ADAMTS17: variants seen among roughly 807,000 people sequenced by gnomAD.
ADAMTS17 encodes the protein ADAM metallopeptidase with thrombospondin type 1 motif 17, also known as A disintegrin and metalloproteinase with thrombospondin motifs 17.
In ADAMTS17, 113 loss-of-function variants were observed where a neutral mutation model predicts 141.5. The ratio of observed to expected loss-of-function variants is 0.80; its 90% CI spans 0.69 to 0.93. ADAMTS17 has a LOEUF of 0.93. Ranked by LOEUF, ADAMTS17 falls within the 40% of genes least tolerant of loss-of-function variation. The probability of loss-of-function intolerance (pLI) is 0.00; values close to 1 mark genes in which losing one functional copy is unlikely to be tolerated. For synonymous variants in ADAMTS17, 768 were observed against 630.6 expected (o/e 1.22, Z -3.27); for missense variants, 1,659 against 1,517.9 (o/e 1.09, Z -1.54).
At chr15:100,272,466 GT>G (rs1291666544) in intron 4 of ADAMTS17, among the ~76,000 whole-genome samples, 1 of 151,230 alleles carries the variant, frequency 6.6e-6, no homozygotes, top group East Asian at 1.9e-4. Context: ...AGACAGAACT[GT>G]TTTCTTAATT....
rs142737485 is a variant in ADAMTS17, at chr15:100,214,804, C to T, written c.1076-15381G>A. On this transcript the variant is annotated intron_variant, in intron 7 of 21. Coordinates refer to ENST00000268070, the MANE Select transcript of ADAMTS17 (RefSeq NM_139057.4). ...TAGCTAGTCATCCCAATTCCAAATA[C>T]GCACAAGCGACACGGCACACTTCCT... 4.8e-3 allele frequency among the ~76,000 whole-genome samples: 725 copies of T among 152,350 alleles called. 3 individuals are homozygous for T. Among genetic ancestry groups the T allele is most frequent in the African/African-American group, 0.016 (654 of 41,574 alleles).
At chr15:100,067,537 G>A (rs1029143069) in intron 15 of ADAMTS17, among the ~76,000 whole-genome samples, 1 of 152,038 alleles carries the variant, frequency 6.6e-6, no homozygotes, top group African/African-American at 2.4e-5. Flanking sequence ...CCTTTCTTGG[G>A]ACACAAAGCT....
chr15:100,247,625 T>G (rs1042854051), intron 7 of ADAMTS17, among the ~76,000 whole-genome samples: 2 of 152,174 alleles, frequency 1.3e-5, no homozygotes, highest in Non-Finnish European at 2.9e-5. Context: ...TGTTTATGCA[T>G]AAAAAGTGGC....
intron 9 of ADAMTS17, among the ~76,000 whole-genome samples, chr15:100,154,144 G>A (rs150384113): frequency 1.6e-4 from 25 of 152,232 alleles, no homozygotes; most frequent in African/African-American, 5.8e-4. Flanking sequence ...TCGCACCACT[G>A]CACTCCAGCC....
chr15:100,081,169 G>C (rs1294568621), intron 15 of ADAMTS17, among the ~76,000 whole-genome samples: 1 of 152,168 alleles, frequency 6.6e-6, no homozygotes, highest in Non-Finnish European at 1.5e-5. Context: ...ACATGAAAAG[G>C]AGAGGTGGGC....
chr15:100,337,377 C>G (rs1437858806), intron 2 of ADAMTS17, among the ~76,000 whole-genome samples: 1 of 152,176 alleles, frequency 6.6e-6, no homozygotes, highest in Non-Finnish European at 1.5e-5. Flanking sequence ...CCAGACTGAC[C>G]CCAGTGATTC....
At chr15:100,245,298 G>T (rs1567420477) in intron 7 of ADAMTS17, among the ~76,000 whole-genome samples, 1 of 148,428 alleles carries the variant, frequency 6.7e-6, no homozygotes, top group Non-Finnish European at 1.5e-5. Context: ...CTCAAGGAAG[G>T]ACACTCTTAC....
At chr15:100,007,090 A>C (rs2061050648) in intron 18 of ADAMTS17, among the ~76,000 whole-genome samples, 1 of 152,200 alleles carries the variant, frequency 6.6e-6, no homozygotes, top group Admixed American at 6.5e-5. Context: ...CAGGGGTGGG[A>C]GAAACATAAA....
chr15:100,292,374 G>T (rs1301822814), intron 3 of ADAMTS17, among the ~76,000 whole-genome samples: 1 of 148,644 alleles, frequency 6.7e-6, no homozygotes, highest in Non-Finnish European at 1.5e-5. Context: ...AATTACGAGA[G>T]ATGCTCACCC....
chr15:100,134,597 T>TG (rs1324218099), intron 10 of ADAMTS17, among the ~76,000 whole-genome samples: 3 of 152,206 alleles, frequency 2.0e-5, no homozygotes, highest in Admixed American at 1.3e-4. Context: ...TTTAGAGGTC[T>TG]GCTCTTCCAA....
intron 2 of ADAMTS17, among the ~76,000 whole-genome samples, chr15:100,332,844 G>A (rs1433008810): frequency 6.6e-6 from 1 of 152,234 alleles, no homozygotes; most frequent in Non-Finnish European, 1.5e-5. Flanking sequence ...CGCCCCGGCA[G>A]CCACTTGCCC....
chr15:100,331,099 C>T (rs1313094457), intron 2 of ADAMTS17, 45 bp from the exon 3 acceptor site: 4 of 1,611,608 alleles, frequency 2.5e-6, no homozygotes, highest in Admixed American at 1.7e-5. Flanking sequence ...CATCCTCACT[C>T]ACACACGCCC....
chr15:100,261,423 G>A, intron 6 of ADAMTS17, 56 bp downstream of exon 6: 3 of 1,608,688 alleles, frequency 1.9e-6, no homozygotes, highest in Non-Finnish European at 1.7e-6. Context: ...TTTCCTCTCT[G>A]AAGGGAAACA....
At chr15:100,108,714 T>C (rs1567186577) in intron 14 of ADAMTS17, among the ~76,000 whole-genome samples, 1 of 152,212 alleles carries the variant, frequency 6.6e-6, no homozygotes, top group Non-Finnish European at 1.5e-5. Context: ...ACCTTCGTCT[T>C]GGTCATGATG....
intron 17 of ADAMTS17, among the ~76,000 whole-genome samples, chr15:100,050,313 T>C (rs7178972): frequency 0.32 from 48,133 of 152,082 alleles, 8,717 homozygotes; most frequent in East Asian, 0.49. Flanking sequence ...GCTTAGTTTG[T>C]AACAAGCTGC....
chr15:100,313,620 T>C (rs1317659795), intron 3 of ADAMTS17, among the ~76,000 whole-genome samples: 1 of 152,180 alleles, frequency 6.6e-6, no homozygotes, highest in African/African-American at 2.4e-5. Flanking sequence ...GTAACAGAAG[T>C]TGACATCCCC....
At chr15:100,080,079 G>T (rs11854082) in intron 15 of ADAMTS17, among the ~76,000 whole-genome samples, 23,726 of 152,094 alleles carry the variant, frequency 0.16, 3,596 homozygotes, top group African/African-American at 0.4. Context: ...CAGGATTCAC[G>T]GTCCAGGAAT....
In ADAMTS17 at chr15:100,163,742, C is replaced by A. The variant is rs12439716; in HGVS notation, c.1182-8422G>T. 0.017 allele frequency among the ~76,000 whole-genome samples: 2,633 copies of A among 152,304 alleles called. 152 individuals are homozygous for A. In the East Asian group the frequency reaches 0.19, roughly 11 times the overall value. ...TGGGTATGAAGGATGTAGACAGACACAGTTGAATATGGTAGCTCCTAGGAA... is the reference window on the plus strand; with the variant it reads ...TGGGTATGAAGGATGTAGACAGACAAAGTTGAATATGGTAGCTCCTAGGAA... On this transcript the variant is annotated intron_variant, in intron 8 of 21. Transcript: ENST00000268070.
In ADAMTS17 at chr15:100,220,237, G is replaced by C. The variant is rs953299601; in HGVS notation, c.1076-20814C>G. On this transcript the variant is annotated intron_variant, in intron 7 of 21. Coordinates refer to ENST00000268070, the MANE Select transcript of ADAMTS17 (RefSeq NM_139057.4). ...CCCAGCAAGGGTCAGACTAACCCTC[G>C]AAAAGTGGGAAACATTCAGTAGCCC... Among the ~76,000 whole-genome samples, 5 of 152,128 alleles carry C rather than the reference G, an allele frequency of 3.3e-5. No homozygotes were observed. The East Asian group carries it at 9.6e-4, about 29-fold the overall frequency.
Sources: allele counts gnomAD v4.1 joint callset (sites outside exome capture counted in the v4.1 genomes callset), GRCh38; gene constraint gnomAD v4.1.1; transcripts MANE v1.5; gene names NCBI Gene and HGNC (gene_info 2026-07-23, HGNC 2026-07-21).